SLC8A1: variants seen among roughly 807,000 people sequenced by gnomAD.
SLC8A1 encodes the protein sodium/calcium exchanger 1.
Under a neutral mutation model 68.3 loss-of-function variants are expected in SLC8A1, and 18 were observed. That is an observed-to-expected ratio of 0.26 (90% CI 0.18 to 0.39). The LOEUF (loss-of-function observed/expected upper bound fraction) is 0.39. Ranked by LOEUF, SLC8A1 falls within the 10% of genes least tolerant of loss-of-function variation. SLC8A1 has a pLI of 1.00. For missense variants in SLC8A1, 985 were observed against 1,156.7 expected (o/e 0.85, Z 2.15); for synonymous variants, 475 against 415.5 (o/e 1.14, Z -1.74).
chr2:40,466,430 G>A (rs532718676), intron 1 of SLC8A1, among the ~76,000 whole-genome samples: 2 of 152,202 alleles, frequency 1.3e-5, no homozygotes, highest in South Asian at 4.1e-4. Context: ...TGTCTTAAAG[G>A]TCCTCTACAG....
intron 2 of SLC8A1, chr2:40,190,469 G>A (rs984969255): frequency 6.6e-6 from 1 of 152,068 alleles, no homozygotes; most frequent in Non-Finnish European, 1.5e-5. Context: ...TTTTCTTCTC[G>A]ATGCTGCTAA....
rs200892112 is a variant in SLC8A1 at position 40,284,675 on chromosome 2, C to G, written c.1809-106820G>C. On this transcript the variant is annotated intron_variant, in intron 2 of 7. Coordinates refer to ENST00000406785, the Ensembl canonical transcript of SLC8A1. The stretch of plus-strand genomic sequence containing the variant: ...ATATAAATATAAATATATATATACA[C>G]ACACACAATTTCTCATTTTTTGTTG... 4.9e-4 allele frequency among the ~76,000 whole-genome samples: 68 copies of G among 138,620 alleles called. 1 individual carries two copies. The East Asian group carries it at 0.013, about 27-fold the overall frequency. The allele number at this position is 138,620 out of a possible 152,430, so 90.9% of individuals were successfully genotyped here. A position where few individuals can be genotyped will look rare whatever the true frequency, so the allele number is the denominator to read the frequency against.
exon 8 of SLC8A1, chr2:40,112,459 CAA>C (rs1374948488): frequency 4.0e-5 from 6 of 151,048 alleles, no homozygotes; most frequent in Non-Finnish European, 7.4e-5. Context: ...AAAAAGCAAA[CAA>C]ACCAAAAAGC....
At chr2:40,232,653 G>T (rs11894882) in intron 2 of SLC8A1, among the ~76,000 whole-genome samples, 15,174 of 140,204 alleles carry the variant, frequency 0.11, 993 homozygotes, top group Non-Finnish European at 0.13. Flanking sequence ...ACATTGTGCA[G>T]GTTAGTTACA....
chr2:40,435,775 TTTTTTG>T (rs1268348408), intron 1 of SLC8A1, among the ~76,000 whole-genome samples: 2 of 152,042 alleles, frequency 1.3e-5, no homozygotes, highest in Non-Finnish European at 2.9e-5. Flanking sequence ...CACTTATTAC[TTTTTTG>T]TTTTTGTTTT....
chr2:40,468,696 C>T (rs991057067), intron 1 of SLC8A1, among the ~76,000 whole-genome samples: 1 of 151,952 alleles, frequency 6.6e-6, no homozygotes, highest in Non-Finnish European at 1.5e-5. Context: ...CCCCATATAC[C>T]CATCTTTAGC....
At position 40,158,054 on chromosome 2, in the gene SLC8A1, T is replaced by TATTA. The variant is rs570663508; in HGVS notation, c.2161+2707_2161+2710dup. Among the ~76,000 whole-genome samples the TATTA allele has an allele frequency of 5.2e-4, 79 of 152,322 alleles. 1 individual carries two copies. Among genetic ancestry groups the TATTA allele is most frequent in the African/African-American group, 1.9e-3 (78 of 41,570 alleles). ...AAAAGCAAATCCCTATTTACAAAAT[T>TATTA]ATTATTTTTGTTTAGCGAGATATAT... On this transcript the variant is annotated intron_variant, in intron 6 of 7. Coordinates refer to ENST00000406785, the Ensembl canonical transcript of SLC8A1.
At chr2:40,325,113 G>GA (rs147527976) in intron 2 of SLC8A1, among the ~76,000 whole-genome samples, 4,733 of 144,038 alleles carry the variant, frequency 0.033, 79 homozygotes, top group Admixed American at 0.048. Flanking sequence ...AGTCTGTAGA[G>GA]AAAAAAAAAA....
chr2:40,123,588 A>G (rs1303254715), intron 7 of SLC8A1, among the ~76,000 whole-genome samples: 1 of 152,092 alleles, frequency 6.6e-6, no homozygotes, highest in South Asian at 2.1e-4. Flanking sequence ...GGCTGTCTTT[A>G]TAGTACTTTA....
At chr2:40,194,509 G>A (rs113025933) in intron 2 of SLC8A1, among the ~76,000 whole-genome samples, 1 of 99,078 alleles carries the variant, frequency 1.0e-5, no homozygotes, top group South Asian at 2.5e-4. Flanking sequence ...GTGTGTGTGC[G>A]CGCGCAAAGA....
At chr2:40,281,453 T>C (rs746513039) in intron 2 of SLC8A1, among the ~76,000 whole-genome samples, 2 of 152,342 alleles carry the variant, frequency 1.3e-5, no homozygotes, top group Non-Finnish European at 2.9e-5. Flanking sequence ...GCCAACTCTA[T>C]GCAGGCTATG....
intron 2 of SLC8A1, among the ~76,000 whole-genome samples, chr2:40,301,350 T>C (rs1020394835): frequency 6.6e-6 from 1 of 152,214 alleles, no homozygotes; most frequent in African/African-American, 2.4e-5. Flanking sequence ...TAAGTTAGTA[T>C]TAGAACATAA....
intron 1 of SLC8A1, among the ~76,000 whole-genome samples, chr2:40,459,811 A>T (rs192543748): frequency 2.6e-5 from 4 of 152,008 alleles, no homozygotes; most frequent in Admixed American, 2.6e-4. Flanking sequence ...TGGGTCCATC[A>T]TACCTCCTTT....
intron 2 of SLC8A1, among the ~76,000 whole-genome samples, chr2:40,405,937 A>T (rs1690191283): frequency 6.6e-6 from 1 of 152,178 alleles, no homozygotes; most frequent in South Asian, 2.1e-4. Flanking sequence ...GACTTTGAAA[A>T]ATCTGTTAGC....
At chr2:40,425,194 T>G (rs1279652439) in intron 2 of SLC8A1, among the ~76,000 whole-genome samples, 2 of 151,912 alleles carry the variant, frequency 1.3e-5, no homozygotes, top group Non-Finnish European at 2.9e-5. Context: ...AATTTTAAAA[T>G]GTTTTGCTGA....
intron 7 of SLC8A1, among the ~76,000 whole-genome samples, chr2:40,129,179 G>C (rs1412389718): frequency 6.6e-6 from 1 of 151,442 alleles, no homozygotes; most frequent in African/African-American, 2.4e-5. Flanking sequence ...TGCAGACTGA[G>C]ACAGCATTAA....
intron 2 of SLC8A1, among the ~76,000 whole-genome samples, chr2:40,416,805 T>C (rs527901743): frequency 1.3e-5 from 2 of 151,916 alleles, no homozygotes; most frequent in African/African-American, 2.4e-5. Context: ...TTTTATTAGG[T>C]TGGTGCAAAA....
chr2:40,384,338 T>A (rs918423902), intron 2 of SLC8A1, among the ~76,000 whole-genome samples: 1 of 152,102 alleles, frequency 6.6e-6, no homozygotes, highest in Non-Finnish European at 1.5e-5. Flanking sequence ...CTTTCTTGAT[T>A]CACTCTGTAT....
intron 2 of SLC8A1, among the ~76,000 whole-genome samples, chr2:40,411,263 C>A (rs1226235942): frequency 6.6e-6 from 1 of 152,018 alleles, no homozygotes; most frequent in African/African-American, 2.4e-5. Flanking sequence ...TAATAGCTAG[C>A]ATAACACTTT....
Sources: allele counts gnomAD v4.1 joint callset (sites outside exome capture counted in the v4.1 genomes callset), GRCh38; gene constraint gnomAD v4.1.1; transcripts MANE v1.5; gene names NCBI Gene and HGNC (gene_info 2026-07-23, HGNC 2026-07-21).